IQSEC1: variants seen among roughly 807,000 people sequenced by gnomAD.
The protein encoded by IQSEC1 is IQ motif and Sec7 domain ArfGEF 1.
A neutral mutation model predicts 91.0 loss-of-function variants in IQSEC1; 31 were observed. The ratio of observed to expected loss-of-function variants is 0.34; its 90% CI spans 0.26 to 0.46. The LOEUF (loss-of-function observed/expected upper bound fraction) is 0.46. Among genes scored for constraint, IQSEC1 ranks in the 20% least tolerant of loss-of-function variants. IQSEC1 has a pLI of 1.00. For synonymous variants in IQSEC1, 699 were observed against 662.6 expected (o/e 1.05, Z -0.84); for missense variants, 1,388 against 1,575.6 (o/e 0.88, Z 2.02).
chr3:12,901,481 T>C lies in IQSEC1; in HGVS notation c.2847A>G (p.Thr949=), dbSNP rs1694299620. Reference sequence around the variant, plus strand: ...GGCGAGATGGACACTCTCGTGTTGATGTAGCTCTCCGGCGCATGTGAGGAC... The same window carrying C: ...GGCGAGATGGACACTCTCGTGTTGACGTAGCTCTCCGGCGCATGTGAGGAC... The part of the protein sequence containing the change: ...ISSPHMRRRA[T]STRECPSRPH... Residue 949 remains threonine (T), a synonymous_variant, in exon 14 of 14, where the codon ACA becomes ACG. Transcript: ENST00000613206. The C allele has an allele frequency of 6.5e-7, 1 of 1,549,928 alleles. No individual in the cohort carries two copies. Among genetic ancestry groups the C allele is most frequent in the Non-Finnish European group, 8.7e-7 (1 of 1,146,918 alleles).
rs1047223489 is a variant in IQSEC1 at position 12,900,130 on chromosome 3, T to C, written c.*853A>G. 2.1e-6 allele frequency: 2 copies of C among 969,346 alleles called. No homozygotes were observed. Among genetic ancestry groups the C allele is most frequent in the Non-Finnish European group, 2.5e-6 (2 of 815,478 alleles). 60.0% of individuals were successfully genotyped at this position (969,346 alleles called of 1,614,324 possible). On this transcript the variant is annotated 3_prime_UTR_variant, in exon 14 of 14. Transcript: ENST00000613206. The stretch of plus-strand genomic sequence containing the variant: ...TTGCTTACCTGAAATAACAGCATTA[T>C]AATACTATTTATGATAGTATTCTGT...
intron 6 of IQSEC1, among the ~76,000 whole-genome samples, chr3:12,915,938 G>A (rs547274542): frequency 2.6e-5 from 4 of 152,164 alleles, no homozygotes; most frequent in African/African-American, 7.2e-5. Context: ...CATCCGACCC[G>A]GTCTAGTAGG....
chr3:13,022,139 C>T lies in IQSEC1; in HGVS notation c.23+50853G>A, dbSNP rs1411257067. ...GAGGAGCGAGTGGCCAAGGGGCCCA[C>T]CACCACTGCCCCACCACCCAGAGTC... On this transcript the variant is annotated intron_variant, in intron 1 of 13. Transcript: ENST00000613206. 16 of 1,231,752 alleles carry T rather than the reference C, an allele frequency of 1.3e-5. No homozygotes were observed. The East Asian group carries it at 4.1e-4, about 32-fold the overall frequency. 76.3% of individuals were successfully genotyped at this position (1,231,752 alleles called of 1,614,324 possible). A position where few individuals can be genotyped will look rare whatever the true frequency, so the allele number is the denominator to read the frequency against.
rs370578211 is a variant in IQSEC1 at position 12,936,240 on chromosome 3, G to A, written c.776C>T (p.Ala259Val). 6.9e-5 allele frequency: 112 copies of A among 1,613,220 alleles called. No homozygotes were observed. The highest frequency in any genetic ancestry group is 1.6e-4 in the Middle Eastern group (1 of 6,062). The change falls in exon 3 of 14, where the codon GCG becomes GTG. Residue 259 changes from alanine to valine, a missense_variant. Physicochemically the swap from Ala to Val is moderately conservative, Grantham distance 64 (BLOSUM62 0). This residue lies in a region of IQSEC1 where 1,059 missense variants were observed against 1,317.8 expected (regional missense o/e 0.80). Transcript: ENST00000613206. ...LHTEEAPALD[A>V]ARARDTEPQT... is the part of the protein sequence containing the mutation. ...GGGTTCGGTGTCCCGGGCCCGCGCCGCATCCAGGGCCGGTGCCTCCTCAGT... is the reference window on the plus strand; with the variant it reads ...GGGTTCGGTGTCCCGGGCCCGCGCCACATCCAGGGCCGGTGCCTCCTCAGT...
chr3:13,078,719 C>T (rs1423809815), intron 2 of IQSEC1, among the ~76,000 whole-genome samples: 1 of 152,130 alleles, frequency 6.6e-6, no homozygotes, highest in Non-Finnish European at 1.5e-5. Flanking sequence ...TGTTTTAGAG[C>T]CAGGGCAGCT....
chr3:13,244,271 C>A (rs1349392557), intron 1 of IQSEC1, among the ~76,000 whole-genome samples: 1 of 152,190 alleles, frequency 6.6e-6, no homozygotes, highest in Admixed American at 6.5e-5. Flanking sequence ...CAGCTTACTG[C>A]AACCTCTGCC....
chr3:13,216,766 C>T (rs568613937), intron 1 of IQSEC1, among the ~76,000 whole-genome samples: 31 of 152,286 alleles, frequency 2.0e-4, no homozygotes, highest in African/African-American at 6.7e-4. Context: ...ACAGAACACC[C>T]GGATGCACTC....
At chr3:13,027,481 C>T (rs992000393) in intron 1 of IQSEC1, among the ~76,000 whole-genome samples, 1 of 152,154 alleles carries the variant, frequency 6.6e-6, no homozygotes, top group African/African-American at 2.4e-5. Flanking sequence ...GGGGCAATGG[C>T]CAGGCAGGGG....
At chr3:13,252,730 T>TTTTTTTTTTGTTTG (rs60219953) in intron 1 of IQSEC1, among the ~76,000 whole-genome samples, 1 of 150,844 alleles carries the variant, frequency 6.6e-6, no homozygotes, top group African/African-American at 2.5e-5. Flanking sequence ...TTTTTTTTGT[T>TTTTTTTTTTGTTTG]TTTGTTTGTT....
chr3:13,235,987 C>T lies in IQSEC1; in HGVS notation c.272+46724G>A, dbSNP rs923004888. The stretch of plus-strand genomic sequence containing the variant: ...GTAGTGTGGGACCCTCAGCAAGGAA[C>T]GCAGCTTCCTTAAGAGTTTGTCTCC... On this transcript the variant is annotated intron_variant, in intron 1 of 15. Transcript: ENST00000648114. 7.2e-5 allele frequency among the ~76,000 whole-genome samples: 11 copies of T among 152,176 alleles called. No individual in the cohort carries two copies. In the South Asian group the frequency reaches 1.2e-3, roughly 17 times the overall value.
chr3:13,238,324 C>T (rs1323851157), intron 1 of IQSEC1, among the ~76,000 whole-genome samples: 5 of 152,172 alleles, frequency 3.3e-5, no homozygotes, highest in Admixed American at 1.3e-4. Context: ...CCAGCCCTGG[C>T]GTCCTCCCCT....
chr3:13,259,620 G>T lies in IQSEC1; in HGVS notation c.272+23091C>A, dbSNP rs1695347612. 6.6e-6 allele frequency among the ~76,000 whole-genome samples: 1 copy of T among 152,222 alleles called. No individual in the cohort carries two copies. The highest frequency in any genetic ancestry group is 1.5e-5 in the Non-Finnish European group (1 of 68,046). Reference sequence around the variant, plus strand: ...GTTCATTAACTTGATGATTGCAGAAGACCCACTAGGCTGTTCGTTGCCATT... The same window carrying T: ...GTTCATTAACTTGATGATTGCAGAATACCCACTAGGCTGTTCGTTGCCATT... On this transcript the variant is annotated intron_variant, in intron 1 of 15. Coordinates refer to the IQSEC1 transcript ENST00000648114. This position sits in a 1 kb window ranked among gnomAD's most constrained non-coding sequence, Gnocchi z 4.6.
intron 3 of IQSEC1, among the ~76,000 whole-genome samples, chr3:12,929,452 G>A (rs1221218825): frequency 6.6e-6 from 1 of 152,236 alleles, no homozygotes; most frequent in East Asian, 1.9e-4. Context: ...GGTCCCTGGT[G>A]GAGGGAACAG....
intron 2 of IQSEC1, among the ~76,000 whole-genome samples, chr3:13,147,636 CG>C: frequency 6.6e-6 from 1 of 152,038 alleles, no homozygotes; most frequent in African/African-American, 2.4e-5. Context: ...ATGTATGTGC[CG>C]GTGTCTTATT....
At chr3:13,179,082 C>T (rs1693788827) in intron 1 of IQSEC1, among the ~76,000 whole-genome samples, 1 of 152,180 alleles carries the variant, frequency 6.6e-6, no homozygotes, top group Non-Finnish European at 1.5e-5. Context: ...TACATAAACC[C>T]CTAGTTTTAG....
chr3:13,240,889 G>A (rs1005580047), intron 1 of IQSEC1, among the ~76,000 whole-genome samples: 40 of 152,274 alleles, frequency 2.6e-4, no homozygotes, highest in Non-Finnish European at 5.6e-4. Flanking sequence ...TCCAAGGGGC[G>A]CCCTCCACAC....
intron 1 of IQSEC1, among the ~76,000 whole-genome samples, chr3:13,225,176 T>C (rs997030107): frequency 6.6e-6 from 1 of 152,236 alleles, no homozygotes; most frequent in African/African-American, 2.4e-5. Flanking sequence ...CACCAATGCA[T>C]TTTACAACCA....
chr3:13,182,397 A>G (rs1693860554), intron 1 of IQSEC1, among the ~76,000 whole-genome samples: 1 of 152,214 alleles, frequency 6.6e-6, no homozygotes, highest in African/African-American at 2.4e-5. Flanking sequence ...CAAGGATAAT[A>G]ATAATATTCA....
intron 1 of IQSEC1, among the ~76,000 whole-genome samples, chr3:12,999,984 C>A (rs1393574203): frequency 3.3e-5 from 5 of 152,218 alleles, no homozygotes; most frequent in African/African-American, 1.2e-4. Flanking sequence ...CATTTGCCTC[C>A]CTGCTTAGCT....
Sources: allele counts gnomAD v4.1 joint callset (sites outside exome capture counted in the v4.1 genomes callset), GRCh38; gene constraint gnomAD v4.1.1; regional missense constraint gnomAD v4.1.1; non-coding constraint Gnocchi (gnomAD v3.1); transcripts MANE v1.5; gene names NCBI Gene and HGNC (gene_info 2026-07-23, HGNC 2026-07-21).